The following EPB41L5 variants were observed in gnomAD, a reference collection of about 807,000 sequenced individuals.
The protein encoded by EPB41L5 is erythrocyte membrane protein band 4.1 like 5.
Under a neutral mutation model 106.6 loss-of-function variants are expected in EPB41L5, and 55 were observed. The ratio of observed to expected loss-of-function variants is 0.52; its 90% CI spans 0.42 to 0.65. The LOEUF is 0.65. EPB41L5 is among the 30% of genes least tolerant of loss of function. EPB41L5 has a pLI of 0.00. For missense variants in EPB41L5, 871 were observed against 882.1 expected (o/e 0.99, Z 0.16); for synonymous variants, 297 against 306.7 (o/e 0.97, Z 0.33).
intron 2 of EPB41L5, among the ~76,000 whole-genome samples, chr2:120,023,532 A>G (rs1302425609): frequency 1.3e-5 from 2 of 151,796 alleles, no homozygotes; most frequent in Non-Finnish European, 1.5e-5. Context: ...GTTCTTTTCC[A>G]TTGGTCCGTA....
chr2:120,118,722 CA>C (rs1456957556), intron 16 of EPB41L5, among the ~76,000 whole-genome samples: 1 of 152,194 alleles, frequency 6.6e-6, no homozygotes, highest in East Asian at 1.9e-4. Context: ...AAATGTGCAA[CA>C]TTTTCTTTAT....
chr2:120,098,156 T>TGTGTGTGTGTG (rs146897019), intron 14 of EPB41L5, among the ~76,000 whole-genome samples: 22 of 133,668 alleles, frequency 1.6e-4, no homozygotes, highest in African/African-American at 5.4e-4. Flanking sequence ...ATTGTTTGTT[T>TGTGTGTGTGTG]TGTGTGTGTG....
intron 3 of EPB41L5, among the ~76,000 whole-genome samples, chr2:120,047,208 T>A (rs1240140100): frequency 6.6e-6 from 1 of 152,104 alleles, no homozygotes; most frequent in Non-Finnish European, 1.5e-5. Context: ...AAAGTCATTG[T>A]TAGCTTGATG....
At chr2:120,029,619 TTCTTC>T (rs1171608790) in intron 2 of EPB41L5, among the ~76,000 whole-genome samples, 1 of 152,194 alleles carries the variant, frequency 6.6e-6, no homozygotes, top group African/African-American at 2.4e-5. Context: ...GTTTTTATTT[TTCTTC>T]TCTTTAGGCT....
intron 1 of EPB41L5, among the ~76,000 whole-genome samples, chr2:120,013,858 T>G (rs566940876): frequency 1.3e-5 from 2 of 152,300 alleles, no homozygotes; most frequent in East Asian, 3.9e-4. Context: ...TAGACTAATA[T>G]TAAAAGTTTT....
chr2:120,078,569 G>T lies in EPB41L5; in HGVS notation c.791G>T (p.Gly264Val). 1 of 1,604,938 alleles carries T rather than the reference G, an allele frequency of 6.2e-7. No homozygotes were observed. The highest frequency in any genetic ancestry group is 8.5e-7 in the Non-Finnish European group (1 of 1,175,398). ...GTTTTTGAAGGAGATACCAAAATTG[G>T]CTTATTTTTTTGGTAAGCAAGAGTT... Reference protein sequence around the residue: ...VLVFEGDTKIGLFFWPKITRL... With the variant: ...VLVFEGDTKIVLFFWPKITRL... Residue 264 changes from glycine (G) to valine (V), a missense_variant, in exon 10 of 25, where the codon GGC (glycine) becomes GTC (valine). Physicochemically the swap from Gly to Val is moderately radical, Grantham distance 109. Coordinates refer to ENST00000263713, the MANE Select transcript of EPB41L5 (RefSeq NM_020909.4).
At chr2:120,161,072 T>C in intron 21 of EPB41L5, 98 bp downstream of exon 21, 2 of 854,376 alleles carry the variant, frequency 2.3e-6, no homozygotes, top group South Asian at 2.8e-5. Flanking sequence ...TGAGTGACAC[T>C]GGGACTTAAG....
chr2:120,104,505 AGTATGTTCAC>A, intron 16 of EPB41L5: 2 of 1,119,844 alleles, frequency 1.8e-6, no homozygotes, highest in Non-Finnish European at 2.2e-6. Flanking sequence ...TTCAGACCTT[AGTATGTTCAC>A]ACATCACCAG....
chr2:120,015,213 G>A (rs926967618), intron 1 of EPB41L5, among the ~76,000 whole-genome samples: 20 of 151,824 alleles, frequency 1.3e-4, no homozygotes, highest in African/African-American at 4.8e-4. Context: ...TGTAGTCCCA[G>A]CTACTTGGGA....
chr2:120,155,293 G>A (rs1427447381), intron 20 of EPB41L5, among the ~76,000 whole-genome samples: 2 of 152,096 alleles, frequency 1.3e-5, no homozygotes, highest in Non-Finnish European at 2.9e-5. Context: ...TAGTTGACAG[G>A]GTACTTTCTT....
chr2:120,132,402 T>C (rs1271984093), intron 18 of EPB41L5, among the ~76,000 whole-genome samples: 1 of 152,028 alleles, frequency 6.6e-6, no homozygotes, highest in Non-Finnish European at 1.5e-5. Flanking sequence ...ATGACCAAGA[T>C]GAATTTTGTT....
rs1210649094 is a variant in EPB41L5, at chr2:120,143,146, A to G, written c.1728+15A>G. 1.3e-6 allele frequency: 2 copies of G among 1,564,396 alleles called. No homozygotes were observed. Among genetic ancestry groups the G allele is most frequent in the South Asian group, 1.2e-5 (1 of 81,938 alleles). The stretch of plus-strand genomic sequence containing the variant: ...CAGTGCATAAGGTAAGCTGCCTTTG[A>G]TAGATAGCCCTGGTGAAGTGAAATG... On this transcript the variant is annotated intron_variant, in intron 19 of 24. Coordinates refer to ENST00000263713, the MANE Select transcript of EPB41L5 (RefSeq NM_020909.4).
At position 120,177,911 on chromosome 2, in the gene EPB41L5, C is replaced by T. The variant is rs572200079; in HGVS notation, c.*3004C>T. ...TCTCACTTCTGGCTAAAACTTGCAC[C>T]TCTTCTTCTCTTAGCTAAGCCCCAA... is the stretch of plus-strand genomic sequence containing the variant. On this transcript the variant is annotated 3_prime_UTR_variant, in exon 25 of 25. Coordinates refer to ENST00000263713, the MANE Select transcript of EPB41L5 (RefSeq NM_020909.4). 6.6e-6 allele frequency: 1 copy of T among 152,312 alleles called. No individual in the cohort carries two copies. Among genetic ancestry groups the T allele is most frequent in the South Asian group, 2.1e-4 (1 of 4,816 alleles). 9.4% of individuals were successfully genotyped at this position (152,312 alleles called of 1,614,324 possible).
intron 18 of EPB41L5, among the ~76,000 whole-genome samples, chr2:120,134,949 C>G (rs1558898673): frequency 1.3e-5 from 2 of 151,940 alleles, no homozygotes; most frequent in Non-Finnish European, 2.9e-5. Context: ...ACCAAACAAA[C>G]TAAATAAGGC....
intron 18 of EPB41L5, among the ~76,000 whole-genome samples, chr2:120,140,087 A>G (rs1686106053): frequency 6.6e-6 from 1 of 152,092 alleles, no homozygotes; most frequent in Non-Finnish European, 1.5e-5. Context: ...GTATGTTCTC[A>G]TTTATGGGAG....
intron 16 of EPB41L5, among the ~76,000 whole-genome samples, chr2:120,121,578 C>T (rs562480030): frequency 5.6e-4 from 85 of 152,250 alleles, no homozygotes; most frequent in African/African-American, 1.8e-3. Flanking sequence ...TATGTGCCAC[C>T]TTTTCTTAAT....
chr2:120,153,161 T>C (rs1405380177), intron 20 of EPB41L5, among the ~76,000 whole-genome samples: 1 of 152,188 alleles, frequency 6.6e-6, no homozygotes, highest in African/African-American at 2.4e-5. Context: ...TTCTGAGCGT[T>C]GCTTTTGCTG....
chr2:120,092,923 C>T (rs1261771206), intron 13 of EPB41L5, among the ~76,000 whole-genome samples: 2 of 152,134 alleles, frequency 1.3e-5, no homozygotes, highest in African/African-American at 2.4e-5. Context: ...TCCCAAAACA[C>T]TTTGGTGAAT....
Position 120,110,202 on chromosome 2 carries a change from T to C in EPB41L5, c.1337+9388T>C, listed in dbSNP as rs1028487869. The stretch of plus-strand genomic sequence containing the variant: ...TAATTAGCATTCAGAAATCGCTCAC[T>C]TCACGAAATTGTCATCACCTAGCTT... On this transcript the variant is annotated intron_variant, in intron 16 of 24. Coordinates refer to ENST00000263713, the MANE Select transcript of EPB41L5 (RefSeq NM_020909.4). 7.9e-5 allele frequency among the ~76,000 whole-genome samples: 12 copies of C among 152,344 alleles called. No individual in the cohort carries two copies. In the East Asian group the frequency reaches 2.3e-3, roughly 29 times the overall value.
Sources: gnomAD v4.1 joint callset for allele counts (sites outside exome capture counted in the v4.1 genomes callset) on GRCh38, gnomAD v4.1.1 for gene constraint, MANE v1.5 for transcripts, NCBI Gene and HGNC (gene_info 2026-07-23, HGNC 2026-07-21) for gene names.